SLCO1A2: variants seen among roughly 807,000 people sequenced by gnomAD.
SLCO1A2 encodes OATP-1.
In SLCO1A2, 67 loss-of-function variants were observed where a neutral mutation model predicts 69.0. That is an observed-to-expected ratio of 0.97 (90% CI 0.80 to 1.19). The LOEUF (loss-of-function observed/expected upper bound fraction) is 1.19. SLCO1A2 is among the 50% of genes most tolerant of loss of function. SLCO1A2 has a pLI of 0.00. For synonymous variants in SLCO1A2, 260 were observed against 265.9 expected, an observed-to-expected ratio of 0.98 and a Z score of 0.22; for missense variants, 787 against 793.7, an observed-to-expected ratio of 0.99 and a Z score of 0.10.
At position 21,264,793 on chromosome 12, in the gene SLCO1A2, A is replaced by T. The variant is rs1941899568; in HGVS notation, c.*4755T>A. ...TAAGGGTAAGAAGACACTGCCAAAG[A>T]GGCCTCTGACCACAGGATCATTTGA... On this transcript the variant is annotated 3_prime_UTR_variant, in exon 15 of 15. Coordinates refer to ENST00000683939, the MANE Select transcript of SLCO1A2 (RefSeq NM_001386879.1). The T allele has an allele frequency of 6.6e-6, 1 of 152,168 alleles. No individual in the cohort carries two copies. The highest frequency in any genetic ancestry group is 1.5e-5 in the Non-Finnish European group (1 of 68,028). The allele number at this position is 152,168 out of a possible 1,614,324, so 9.4% of individuals were successfully genotyped here. A position where few individuals can be genotyped will look rare whatever the true frequency, so the allele number is the denominator to read the frequency against.
chr12:21,362,637 G>T (rs1030581909), intron 2 of SLCO1A2, among the ~76,000 whole-genome samples: 11 of 152,304 alleles, frequency 7.2e-5, no homozygotes, highest in Middle Eastern at 3.4e-3. Flanking sequence ...GCATCAGTGT[G>T]TGGTATTCAG....
At chr12:21,283,733 A>G (rs1945226600) in intron 12 of SLCO1A2, among the ~76,000 whole-genome samples, 1 of 152,158 alleles carries the variant, frequency 6.6e-6, no homozygotes, top group Admixed American at 6.6e-5. Context: ...AAAAAAATCT[A>G]ATAATCCAAT....
chr12:21,279,317 T>C (rs575599857), intron 12 of SLCO1A2, among the ~76,000 whole-genome samples: 34 of 152,274 alleles, frequency 2.2e-4, no homozygotes, highest in Admixed American at 1.1e-3. Context: ...AGCAGAGAAC[T>C]TCCCAAACCT....
At position 21,267,928 on chromosome 12, in the gene SLCO1A2, A is replaced by T. The variant is rs914933756; in HGVS notation, c.*1620T>A. On this transcript the variant is annotated 3_prime_UTR_variant, in exon 15 of 15. Coordinates refer to ENST00000683939, the MANE Select transcript of SLCO1A2 (RefSeq NM_001386879.1). ...AAAGTTAAACTCCCCCTTTCCAATG[A>T]TTTTAGTTCCTCTCTCTTGTTTCAA... The T allele has an allele frequency of 5.9e-5, 9 of 151,982 alleles. No homozygotes were observed. The highest frequency in any genetic ancestry group is 2.2e-4 in the African/African-American group (9 of 41,386). The allele number at this position is 151,982 out of a possible 1,614,324, so 9.4% of individuals were successfully genotyped here. A position where few individuals can be genotyped will look rare whatever the true frequency, so the allele number is the denominator to read the frequency against.
chr12:21,371,116 C>T (rs187122840), intron 2 of SLCO1A2, among the ~76,000 whole-genome samples: 11 of 152,216 alleles, frequency 7.2e-5, no homozygotes, highest in South Asian at 4.2e-4. Context: ...ATGGTTTATG[C>T]GGAAATTTCA....
At chr12:21,304,603 G>A (rs778403373) in intron 5 of SLCO1A2, 30 bp from the exon 6 acceptor site, 2 of 1,566,192 alleles carry the variant, frequency 1.3e-6, no homozygotes, top group South Asian at 1.2e-5. Flanking sequence ...CATGACATTA[G>A]TGCTTTGACG....
intron 3 of SLCO1A2, among the ~76,000 whole-genome samples, chr12:21,315,007 T>C (rs1447134307): frequency 1.3e-5 from 2 of 152,160 alleles, no homozygotes; most frequent in African/African-American, 4.8e-5. Context: ...TATCTAGACT[T>C]GGGAAATGAG....
intron 2 of SLCO1A2, among the ~76,000 whole-genome samples, chr12:21,360,941 T>C (rs1301811375): frequency 1.3e-5 from 2 of 152,168 alleles, no homozygotes; most frequent in Non-Finnish European, 2.9e-5. Context: ...CCTGCCTCTG[T>C]AGACTCCACC....
chr12:21,322,679 T>C lies in SLCO1A2; in HGVS notation c.61-3756A>G, dbSNP rs1408344926. On this transcript the variant is annotated intron_variant, in intron 2 of 14. Transcript: ENST00000683939. ...AATGTTTCTTGTCAGACTTAAAGTCTGTGTTGATGTTAGTTCTGGTTGGTT... is the reference window on the plus strand; with the variant it reads ...AATGTTTCTTGTCAGACTTAAAGTCCGTGTTGATGTTAGTTCTGGTTGGTT... 3.3e-5 allele frequency among the ~76,000 whole-genome samples: 5 copies of C among 152,254 alleles called. No homozygotes were observed. The South Asian group carries it at 8.3e-4, about 25-fold the overall frequency.
intron 1 of SLCO1A2, chr12:21,378,981 A>C (rs570615801): frequency 6.5e-6 from 1 of 153,172 alleles, no homozygotes; most frequent in East Asian, 1.9e-4. Context: ...AGGCTAAGGC[A>C]GGAGAATCGC....
chr12:21,297,680 ATATGTAT>A (rs763130074), intron 8 of SLCO1A2, 112 bp from the exon 9 acceptor site: 355 of 699,506 alleles, frequency 5.1e-4, no homozygotes, highest in Non-Finnish European at 6.7e-4. Flanking sequence ...CTATTTTGTA[ATATGTAT>A]TGTTTGCTAA....
rs1952699419 is a variant in SLCO1A2 at position 21,332,879 on chromosome 12, C to T, written c.60+1709G>A. ...GGAATTTGGATGGGACACATTCACA[C>T]CACACAATACATCTAAGCCAAAATT... is the stretch of plus-strand genomic sequence containing the variant. On this transcript the variant is annotated intron_variant, in intron 2 of 14. Coordinates refer to ENST00000683939, the MANE Select transcript of SLCO1A2 (RefSeq NM_001386879.1). 2.6e-5 allele frequency among the ~76,000 whole-genome samples: 4 copies of T among 152,046 alleles called. No homozygotes were observed. The South Asian group carries it at 8.3e-4, about 31-fold the overall frequency.
intron 2 of SLCO1A2, among the ~76,000 whole-genome samples, chr12:21,328,643 C>A (rs928899461): frequency 6.6e-6 from 1 of 152,144 alleles, no homozygotes; most frequent in Non-Finnish European, 1.5e-5. Flanking sequence ...CTCTGGAGCT[C>A]TTTCTGACTT....
At chr12:21,297,225 CCT>C (rs770594650) in intron 9 of SLCO1A2, among the ~76,000 whole-genome samples, 177 bp downstream of exon 9, 2 of 125,090 alleles carry the variant, frequency 1.6e-5, no homozygotes, top group African/African-American at 3.6e-5. Context: ...TTCCTTCTTT[CCT>C]TCCTTCTTTC....
intron 1 of SLCO1A2, among the ~76,000 whole-genome samples, chr12:21,389,825 T>C (rs911831083): frequency 6.6e-6 from 1 of 150,754 alleles, no homozygotes; most frequent in Admixed American, 6.6e-5. Flanking sequence ...AGAAAGAAAA[T>C]GAGTAGGAAA....
intron 1 of SLCO1A2, among the ~76,000 whole-genome samples, chr12:21,384,769 C>CTTT (rs762328144): frequency 3.1e-5 from 4 of 131,026 alleles, no homozygotes; most frequent in Non-Finnish European, 5.1e-5. Flanking sequence ...GTTTTTTTTT[C>CTTT]TTTTTTTTTT....
intron 2 of SLCO1A2, among the ~76,000 whole-genome samples, chr12:21,361,332 T>C (rs1938859823): frequency 6.6e-6 from 1 of 152,040 alleles, no homozygotes; most frequent in South Asian, 2.1e-4. Context: ...TCCTGACTGT[T>C]AGAAGGAAAA....
At chr12:21,290,268 A>T (rs940467527) in intron 12 of SLCO1A2, among the ~76,000 whole-genome samples, 11 of 152,176 alleles carry the variant, frequency 7.2e-5, no homozygotes, top group Admixed American at 7.2e-4. Context: ...TTCTCCAAGT[A>T]ATCTATGGAA....
rs142155894 is a variant in SLCO1A2, at chr12:21,408,798, G to A, written c.-312+9084C>T. Among the ~76,000 whole-genome samples, 345 of 151,992 alleles carry A rather than the reference G, an allele frequency of 2.3e-3. 2 individuals carry two copies. The highest frequency in any genetic ancestry group is 7.7e-3 in the African/African-American group (320 of 41,430). On this transcript the variant is annotated intron_variant, in intron 1 of 4. Transcript: ENST00000413682. Reference sequence around the variant, plus strand: ...TATAGATAAGACAGAGAATAGTCACGGCAAAAAGTGAGCTTGTTGTCCATC... The same window carrying A: ...TATAGATAAGACAGAGAATAGTCACAGCAAAAAGTGAGCTTGTTGTCCATC...
Sources: allele counts gnomAD v4.1 joint callset (sites outside exome capture counted in the v4.1 genomes callset), GRCh38; gene constraint gnomAD v4.1.1; transcripts MANE v1.5; gene names NCBI Gene and HGNC (gene_info 2026-07-23, HGNC 2026-07-21).